CSNK2A2IP: variants seen among roughly 807,000 people sequenced by gnomAD.
The protein encoded by CSNK2A2IP is casein kinase 2 subunit alpha' interacting protein, also known as casein kinase II subunit alpha'-interacting protein.
the CSNK2A2IP span, among the ~76,000 whole-genome samples, chr3:88,371,224 AGTGG>A: frequency 4.6e-5 from 7 of 152,002 alleles, no homozygotes; most frequent in East Asian, 1.4e-3. Flanking sequence ...ACTGATTGCA[AGTGG>A]GTCAGAATGT....
At chr3:88,450,386 G>A in the CSNK2A2IP span, among the ~76,000 whole-genome samples, 2 of 151,888 alleles carry the variant, frequency 1.3e-5, no homozygotes, top group South Asian at 2.1e-4. Flanking sequence ...TTCTCATGTT[G>A]TACATTAGAT....
the CSNK2A2IP span, among the ~76,000 whole-genome samples, chr3:88,362,952 G>A: frequency 6.6e-6 from 1 of 152,138 alleles, no homozygotes; most frequent in Admixed American, 6.5e-5. Context: ...TGCAGCTAAC[G>A]TTTTTCCCTC....
At chr3:88,376,815 C>A in the CSNK2A2IP span, among the ~76,000 whole-genome samples, 1 of 151,746 alleles carries the variant, frequency 6.6e-6, no homozygotes, top group East Asian at 1.9e-4. Flanking sequence ...AGGTTACCAG[C>A]AATTCCTAGT....
At chr3:88,343,706 A>C in the CSNK2A2IP span, among the ~76,000 whole-genome samples, 4 of 152,068 alleles carry the variant, frequency 2.6e-5, no homozygotes, top group African/African-American at 7.2e-5. Flanking sequence ...TGAATCACTA[A>C]ACAAAAGTCA....
the CSNK2A2IP span, among the ~76,000 whole-genome samples, chr3:88,455,565 T>C: frequency 2.0e-5 from 3 of 151,954 alleles, no homozygotes; most frequent in Non-Finnish European, 2.9e-5. Flanking sequence ...TTTTTTCTAT[T>C]GAGTTGTGTA....
the CSNK2A2IP span, among the ~76,000 whole-genome samples, chr3:88,443,533 G>A: frequency 3.3e-5 from 5 of 152,242 alleles, no homozygotes; most frequent in Non-Finnish European, 5.9e-5. Flanking sequence ...GGAGAGAGCC[G>A]AGGAGAGGAG....
At chr3:88,352,980 G>A in the CSNK2A2IP span, among the ~76,000 whole-genome samples, 1 of 152,078 alleles carries the variant, frequency 6.6e-6, no homozygotes, top group Admixed American at 6.6e-5. Flanking sequence ...AGTAAACTCA[G>A]ACTAAGGATA....
At chr3:88,367,265 G>A in the CSNK2A2IP span, among the ~76,000 whole-genome samples, 1 of 152,112 alleles carries the variant, frequency 6.6e-6, no homozygotes, top group East Asian at 1.9e-4. Context: ...AAATAGTTTT[G>A]GGGGAAGCCA....
the CSNK2A2IP span, among the ~76,000 whole-genome samples, chr3:88,379,152 A>T: frequency 6.6e-6 from 1 of 151,994 alleles, no homozygotes; most frequent in Admixed American, 6.6e-5. Flanking sequence ...TCAGTCAACA[A>T]ACCCTGAACG....
chr3:88,446,649 T>C, the CSNK2A2IP span, among the ~76,000 whole-genome samples: 1 of 152,206 alleles, frequency 6.6e-6, no homozygotes, highest in African/African-American at 2.4e-5. Flanking sequence ...AATTCACTGG[T>C]CATTTCCTCT....
At chr3:88,402,024 CTTTT>C in the CSNK2A2IP span, among the ~76,000 whole-genome samples, 2 of 140,226 alleles carry the variant, frequency 1.4e-5, no homozygotes, top group Admixed American at 7.2e-5. Context: ...TCTGCTATGT[CTTTT>C]TTTTTTTTTT....
the CSNK2A2IP span, among the ~76,000 whole-genome samples, chr3:88,383,671 T>C: frequency 2.9e-5 from 4 of 136,792 alleles, no homozygotes; most frequent in Non-Finnish European, 6.6e-5. Context: ...TTTTTTTTTT[T>C]TTTGGGACGG....
chr3:88,356,613 G>A, the CSNK2A2IP span, among the ~76,000 whole-genome samples: 2 of 151,226 alleles, frequency 1.3e-5, no homozygotes, highest in Non-Finnish European at 2.9e-5. Context: ...TATATACCTA[G>A]CAGTGAGATT....
At chr3:88,363,884 G>A in the CSNK2A2IP span, among the ~76,000 whole-genome samples, 2 of 152,152 alleles carry the variant, frequency 1.3e-5, no homozygotes, top group South Asian at 2.1e-4. Context: ...TCCTAACCCT[G>A]TGTTAGTGCT....
chr3:88,375,984 C>G, the CSNK2A2IP span, among the ~76,000 whole-genome samples: 1 of 151,654 alleles, frequency 6.6e-6, no homozygotes, highest in Non-Finnish European at 1.5e-5. Flanking sequence ...GTGCTCAATC[C>G]TATTCAGATT....
chr3:88,358,547 A>T, the CSNK2A2IP span, among the ~76,000 whole-genome samples: 1 of 152,050 alleles, frequency 6.6e-6, no homozygotes, highest in African/African-American at 2.4e-5. Context: ...TAATCATGAA[A>T]GGGTATTGAA....
the CSNK2A2IP span, among the ~76,000 whole-genome samples, chr3:88,446,062 C>G: frequency 3.8e-5 from 4 of 106,066 alleles, no homozygotes; most frequent in South Asian, 1.2e-3. Context: ...TTCTTTCTTT[C>G]TTTCTTTCTT....
the CSNK2A2IP span, among the ~76,000 whole-genome samples, chr3:88,390,430 G>A: frequency 6.6e-6 from 1 of 152,104 alleles, no homozygotes; most frequent in Non-Finnish European, 1.5e-5. Flanking sequence ...GAAAATGATG[G>A]CATGTATAGG....
chr3:88,442,830 G>A, the CSNK2A2IP span, among the ~76,000 whole-genome samples: 1 of 151,630 alleles, frequency 6.6e-6, no homozygotes, highest in African/African-American at 2.4e-5. Context: ...ATCATAATGA[G>A]TTCTTATAGA....
Sources: gnomAD v4.1 joint callset for allele counts (sites outside exome capture counted in the v4.1 genomes callset) on GRCh38, gnomAD v4.1.1 for gene constraint, MANE v1.5 for transcripts, NCBI Gene and HGNC (gene_info 2026-07-23, HGNC 2026-07-21) for gene names.